Variants in OR1J2 observed in about 807,000 individuals in gnomAD.
OR1J2 encodes the protein olfactory receptor family 1 subfamily J member 2, also known as olfactory receptor 1J2.
For missense variants in OR1J2, 304 were observed against 246.1 expected (o/e 1.24, Z -1.57); for synonymous variants, 142 against 99.7 (o/e 1.42, Z -2.52).
chr9:122,505,744 A>G, the OR1J2 span, among the ~76,000 whole-genome samples: 1 of 152,124 alleles, frequency 6.6e-6, no homozygotes, highest in African/African-American at 2.4e-5. Context: ...CAAAAGATCA[A>G]TTTCAGAGAA....
At chr9:122,524,646 C>T in the OR1J2 span, among the ~76,000 whole-genome samples, 2 of 152,110 alleles carry the variant, frequency 1.3e-5, no homozygotes, top group African/African-American at 2.4e-5. Context: ...ATAAATTTAC[C>T]GCACTATCAG....
chr9:122,575,062 T>G, the OR1J2 span, among the ~76,000 whole-genome samples: 2 of 152,158 alleles, frequency 1.3e-5, no homozygotes, highest in Admixed American at 6.5e-5. Flanking sequence ...TTGGTTGTGA[T>G]GTATAAATCT....
the OR1J2 span, among the ~76,000 whole-genome samples, chr9:122,465,156 ACAAACAGC>A: frequency 1.3e-5 from 2 of 152,214 alleles, no homozygotes; most frequent in Non-Finnish European, 2.9e-5. Context: ...AAACTAGTGC[ACAAACAGC>A]CAAATTACCA....
the OR1J2 span, among the ~76,000 whole-genome samples, chr9:122,560,683 T>A: frequency 6.6e-6 from 1 of 152,356 alleles, no homozygotes; most frequent in African/African-American, 2.4e-5. Flanking sequence ...GTAGGGTTTC[T>A]GCTGAGAGAT....
chr9:122,506,303 C>T (rs1471618314), upstream of OR1J2, among the ~76,000 whole-genome samples: 1 of 152,066 alleles, frequency 6.6e-6, no homozygotes, highest in Non-Finnish European at 1.5e-5. Flanking sequence ...GGACAAATAT[C>T]CTCCCACAGA....
At chr9:122,522,595 G>A in the OR1J2 span, among the ~76,000 whole-genome samples, 1 of 152,032 alleles carries the variant, frequency 6.6e-6, no homozygotes, top group Admixed American at 6.5e-5. Context: ...GTGTGTGTGT[G>A]TGTGTGTGTG....
At chr9:122,477,936 A>G in the OR1J2 span, 1 of 1,567,994 alleles carries the variant, frequency 6.4e-7, no homozygotes, top group East Asian at 2.3e-5. Flanking sequence ...TGTTTATATC[A>G]GCTGGAGGGC....
the OR1J2 span, among the ~76,000 whole-genome samples, chr9:122,489,578 A>T: frequency 6.6e-6 from 1 of 152,192 alleles, no homozygotes; most frequent in Non-Finnish European, 1.5e-5. Flanking sequence ...GAACACAAAA[A>T]GATCAACTTG....
chr9:122,527,397 C>G, the OR1J2 span: 1 of 648,954 alleles, frequency 1.5e-6, no homozygotes, highest in Non-Finnish European at 2.7e-6. Flanking sequence ...CATTATATTC[C>G]TAATCCTGAC....
the OR1J2 span, among the ~76,000 whole-genome samples, chr9:122,499,750 G>T: frequency 1.3e-5 from 2 of 152,222 alleles, no homozygotes; most frequent in African/African-American, 2.4e-5. Context: ...GTCCAGGAAG[G>T]GTTGGGCAGC....
chr9:122,448,994 A>C, the OR1J2 span: 1 of 145,252 alleles, frequency 6.9e-6, no homozygotes, highest in Non-Finnish European at 1.5e-5. Flanking sequence ...AAAAAAAAAC[A>C]AGCGATAATA....
At chr9:122,569,301 T>G in the OR1J2 span, among the ~76,000 whole-genome samples, 3 of 152,272 alleles carry the variant, frequency 2.0e-5, no homozygotes, top group East Asian at 5.8e-4. Context: ...TGTTAAGTGT[T>G]AAATCTGTTT....
At chr9:122,522,966 C>A in the OR1J2 span, among the ~76,000 whole-genome samples, 2 of 152,130 alleles carry the variant, frequency 1.3e-5, no homozygotes, top group Non-Finnish European at 2.9e-5. Context: ...GTCATTTAAT[C>A]CTCATAATAA....
chr9:122,526,853 C>A, the OR1J2 span: 1 of 1,614,094 alleles, frequency 6.2e-7, no homozygotes, highest in Non-Finnish European at 8.5e-7. Flanking sequence ...TGGTGAGGAC[C>A]CAGCACAATG....
the OR1J2 span, among the ~76,000 whole-genome samples, chr9:122,533,957 C>T: frequency 9.9e-5 from 15 of 152,246 alleles, no homozygotes; most frequent in African/African-American, 3.4e-4. Context: ...GGCCAGAGTT[C>T]CAGGGGCTCT....
chr9:122,548,930 C>T, the OR1J2 span, among the ~76,000 whole-genome samples: 3 of 151,926 alleles, frequency 2.0e-5, no homozygotes, highest in Non-Finnish European at 4.4e-5. Flanking sequence ...TTTGTTTACT[C>T]TGTTGATTAT....
At chr9:122,529,452 G>T in the OR1J2 span, among the ~76,000 whole-genome samples, 1 of 152,126 alleles carries the variant, frequency 6.6e-6, no homozygotes, top group African/African-American at 2.4e-5. Context: ...CCTTAATCAG[G>T]CTATTTCTAT....
At chr9:122,447,497 A>G in the OR1J2 span, 1 of 152,116 alleles carries the variant, frequency 6.6e-6, no homozygotes, top group African/African-American at 2.4e-5. Context: ...AAAGAGGGAA[A>G]ATGAAATCCT....
chr9:122,456,917 C>T, the OR1J2 span, among the ~76,000 whole-genome samples: 13 of 152,246 alleles, frequency 8.5e-5, no homozygotes, highest in East Asian at 1.9e-4. Context: ...AAGATACATG[C>T]GTGTGTATGT....
Sources: gnomAD v4.1 joint callset for allele counts (sites outside exome capture counted in the v4.1 genomes callset) on GRCh38, gnomAD v4.1.1 for gene constraint, MANE v1.5 for transcripts, NCBI Gene and HGNC (gene_info 2026-07-23, HGNC 2026-07-21) for gene names.